PSMA1: variants seen among roughly 807,000 people sequenced by gnomAD.
The protein encoded by PSMA1 is proteasome subunit alpha type-1.
PSMA1 carries 3 observed loss-of-function variants against 38.4 expected under a neutral mutation model. The observed-to-expected ratio is 0.08, with a 90% confidence interval of 0.04 to 0.20. The LOEUF (loss-of-function observed/expected upper bound fraction) is 0.20. Among genes scored for constraint, PSMA1 ranks in the 10% least tolerant of loss-of-function variants. PSMA1 has a pLI of 1.00. For missense variants in PSMA1, 227 were observed against 325.3 expected, an observed-to-expected ratio of 0.70 and a Z score of 2.32; for synonymous variants, 101 against 107.1, an observed-to-expected ratio of 0.94 and a Z score of 0.35.
intron 2 of PSMA1, among the ~76,000 whole-genome samples, chr11:14,571,579 T>C (rs1464936321): frequency 6.6e-6 from 1 of 152,190 alleles, no homozygotes; most frequent in Non-Finnish European, 1.5e-5. Flanking sequence ...GTGAAGACCA[T>C]TGATGCTAGG....
chr11:14,601,579 A>G (rs930521090), intron 2 of PSMA1, among the ~76,000 whole-genome samples: 1 of 152,186 alleles, frequency 6.6e-6, no homozygotes, highest in African/African-American at 2.4e-5. Flanking sequence ...GGCTTAATGT[A>G]AATAGAACAA....
intron 2 of PSMA1, among the ~76,000 whole-genome samples, chr11:14,537,952 G>A (rs565198702): frequency 1.3e-5 from 2 of 151,958 alleles, no homozygotes; most frequent in Admixed American, 6.6e-5. Flanking sequence ...CAAGTGATCC[G>A]CCTGCCTCGG....
chr11:14,642,884 CT>C (rs1318852320), intron 1 of PSMA1, among the ~76,000 whole-genome samples: 3 of 152,080 alleles, frequency 2.0e-5, no homozygotes, highest in African/African-American at 7.2e-5. Flanking sequence ...GGGGAGTGGT[CT>C]TGGAGAGGAT....
intron 1 of PSMA1, among the ~76,000 whole-genome samples, chr11:14,641,966 T>C (rs570681633): frequency 2.0e-5 from 3 of 152,342 alleles, no homozygotes; most frequent in Admixed American, 6.5e-5. Context: ...AGTTATAGGA[T>C]TGCTTAATGG....
intron 2 of PSMA1, among the ~76,000 whole-genome samples, chr11:14,570,305 T>A (rs1277326904): frequency 1.3e-5 from 2 of 152,126 alleles, no homozygotes; most frequent in East Asian, 3.9e-4. Context: ...GAGCACCTCT[T>A]CTCCTCCAAA....
chr11:14,610,704 T>A, intron 2 of PSMA1: 1 of 469,352 alleles, frequency 2.1e-6, no homozygotes, highest in Middle Eastern at 5.8e-4. Context: ...GTTCATCTGA[T>A]TTTATGATAA....
At chr11:14,638,585 ATTTTTTTT>A (rs1162549899) in intron 1 of PSMA1, among the ~76,000 whole-genome samples, 4 of 8,092 alleles carry the variant, frequency 4.9e-4, no homozygotes, top group South Asian at 6.1e-3. Context: ...ATATATATAT[ATTTTTTTT>A]TTTTTTTTTT....
rs1351525577 is a variant in PSMA1, at chr11:14,584,510, T to TG, written c.21+26455_21+26456insC. Among the ~76,000 whole-genome samples the TG allele has an allele frequency of 2.8e-4, 41 of 146,456 alleles. 1 individual carries two copies. Among genetic ancestry groups the TG allele is most frequent in the African/African-American group, 1.0e-3 (41 of 39,248 alleles). On this transcript the variant is annotated intron_variant, in intron 2 of 10. Transcript: ENST00000418988. Reference sequence around the variant, plus strand: ...TGGAGTGTTTTTTTTGTTTTTTGTTTTTTTTTTTTTTTTTTTTAAAGACTG... The same window carrying TG: ...TGGAGTGTTTTTTTTGTTTTTTGTTTGTTTTTTTTTTTTTTTTTAAAGACTG...
intron 2 of PSMA1, among the ~76,000 whole-genome samples, chr11:14,597,726 G>A (rs1232645808): frequency 1.3e-5 from 2 of 151,958 alleles, no homozygotes; most frequent in African/African-American, 4.8e-5. Flanking sequence ...CTTTTTGAAG[G>A]TTTTTTTGTG....
chr11:14,573,560 T>C (rs930418539), intron 2 of PSMA1, among the ~76,000 whole-genome samples: 1 of 152,204 alleles, frequency 6.6e-6, no homozygotes, highest in African/African-American at 2.4e-5. Context: ...AATATCATAT[T>C]GAATGGGCAA....
intron 2 of PSMA1, among the ~76,000 whole-genome samples, chr11:14,576,981 GA>G (rs1852225603): frequency 6.6e-6 from 1 of 152,124 alleles, no homozygotes; most frequent in Non-Finnish European, 1.5e-5. Flanking sequence ...AGTTCTCCTT[GA>G]AGAGGTCCTT....
intron 2 of PSMA1, among the ~76,000 whole-genome samples, chr11:14,608,604 T>A (rs906128645): frequency 6.8e-6 from 1 of 147,932 alleles, no homozygotes; most frequent in Non-Finnish European, 1.5e-5. Context: ...TTTATATATA[T>A]AAAATATGAT....
At chr11:14,568,105 T>G (rs1852094139) in intron 2 of PSMA1, among the ~76,000 whole-genome samples, 2 of 152,344 alleles carry the variant, frequency 1.3e-5, no homozygotes, top group South Asian at 2.1e-4. Context: ...TAGCAAATGC[T>G]AGGTCAATGC....
chr11:14,517,795 G>A, intron 3 of PSMA1, 50 bp from the exon 4 acceptor site: 3 of 1,439,176 alleles, frequency 2.1e-6, no homozygotes, highest in East Asian at 2.3e-5. Context: ...AGAGACAAAT[G>A]TAAAAATAAG....
In PSMA1 at chr11:14,577,653, C is replaced by G. The variant is rs553598614; in HGVS notation, c.21+33313G>C. ...TTAACTTATTTATTCCTCACAATTC[C>G]CTGGCAAATGTAGGTATTATTACAA... On this transcript the variant is annotated intron_variant, in intron 2 of 10. Coordinates refer to the PSMA1 transcript ENST00000418988. Among the ~76,000 whole-genome samples the G allele has an allele frequency of 2.6e-5, 4 of 152,208 alleles. No individual in the cohort carries two copies. In the South Asian group the frequency reaches 8.3e-4, roughly 32 times the overall value.
intron 2 of PSMA1, among the ~76,000 whole-genome samples, chr11:14,582,794 G>A (rs1410636469): frequency 6.6e-6 from 1 of 151,466 alleles, no homozygotes; most frequent in Non-Finnish European, 1.5e-5. Context: ...GCTTCCCAAA[G>A]TGTTAGGATT....
intron 2 of PSMA1, 80 bp from the exon 3 acceptor site, chr11:14,518,061 G>T: frequency 2.9e-6 from 3 of 1,028,550 alleles, no homozygotes; most frequent in South Asian, 1.7e-5. Flanking sequence ...AATATCAGGT[G>T]AGCACAGTTA....
At chr11:14,528,872 C>T (rs1318136466) in intron 2 of PSMA1, among the ~76,000 whole-genome samples, 1 of 152,022 alleles carries the variant, frequency 6.6e-6, no homozygotes, top group Admixed American at 6.6e-5. Flanking sequence ...TGAGATCCAC[C>T]CCCTGCCCCT....
intron 2 of PSMA1, among the ~76,000 whole-genome samples, chr11:14,568,264 AC>A (rs967335763): frequency 6.6e-6 from 1 of 152,152 alleles, no homozygotes; most frequent in African/African-American, 2.4e-5. Context: ...ATTCCATCCC[AC>A]CATGCTACCT....
Sources: allele counts gnomAD v4.1 joint callset (sites outside exome capture counted in the v4.1 genomes callset), GRCh38; gene constraint gnomAD v4.1.1; transcripts MANE v1.5; gene names NCBI Gene and HGNC (gene_info 2026-07-23, HGNC 2026-07-21).